LMNTD1: variants seen among roughly 807,000 people sequenced by gnomAD.
LMNTD1 encodes the protein lamin tail domain-containing protein 1.
LMNTD1 carries 35 observed loss-of-function variants against 50.9 expected under a neutral mutation model. That is an observed-to-expected ratio of 0.69 (90% CI 0.53 to 0.91). The LOEUF (loss-of-function observed/expected upper bound fraction) is 0.91, where lower values mean the gene tolerates loss of function less well. Ranked by LOEUF, LMNTD1 falls within the 40% of genes least tolerant of loss-of-function variation. The pLI, the probability that LMNTD1 is intolerant of heterozygous loss-of-function variation, is 0.00. For synonymous variants in LMNTD1, 153 were observed against 161.9 expected, an observed-to-expected ratio of 0.94 and a Z score of 0.42; for missense variants, 470 against 475.5, an observed-to-expected ratio of 0.99 and a Z score of 0.11.
rs1043264442 is a variant in LMNTD1 at position 25,518,965 on chromosome 12, T to G, written c.1019A>C (p.Glu340Ala). Residue 340 changes from glutamate (E) to alanine (A), a missense_variant and splice_region_variant, in exon 8 of 10, where the codon GAG becomes GCG. Transcript: ENST00000458174. ...VEQAQVLLKR[E>A]KEIPPTVFPN... is the part of the protein sequence containing the mutation. Reference sequence around the variant, plus strand: ...GAAAACGGTTGGTGGGATTTCCTTCTCTCTGTAAAAGAAAAAAGCCTAAAT... The same window carrying G: ...GAAAACGGTTGGTGGGATTTCCTTCGCTCTGTAAAAGAAAAAAGCCTAAAT... 1.9e-6 allele frequency: 3 copies of G among 1,613,932 alleles called. No individual in the cohort carries two copies. Among genetic ancestry groups the G allele is most frequent in the African/African-American group, 1.3e-5 (1 of 75,028 alleles).
intron 1 of LMNTD1, among the ~76,000 whole-genome samples, chr12:25,621,680 C>A (rs929385899): frequency 6.6e-6 from 1 of 152,122 alleles, no homozygotes; most frequent in Non-Finnish European, 1.5e-5. Flanking sequence ...GTACCTTAAA[C>A]AAATGTTGAC....
chr12:25,545,578 A>C (rs1943381337), intron 4 of LMNTD1, among the ~76,000 whole-genome samples: 1 of 151,652 alleles, frequency 6.6e-6, no homozygotes, highest in Non-Finnish European at 1.5e-5. Flanking sequence ...ATTGCATTTT[A>C]ACAGAAGCTT....
upstream of LMNTD1, among the ~76,000 whole-genome samples, chr12:25,553,783 T>C (rs1943911194): frequency 6.6e-6 from 1 of 152,202 alleles, no homozygotes; most frequent in African/African-American, 2.4e-5. Flanking sequence ...TTCATGATAA[T>C]GATAGTATGG....
At chr12:25,548,249 A>G (rs1458692627) in intron 3 of LMNTD1, among the ~76,000 whole-genome samples, 2 of 151,882 alleles carry the variant, frequency 1.3e-5, no homozygotes, top group Non-Finnish European at 2.9e-5. Context: ...TTTTTAAAAT[A>G]TCAGAAACAA....
chr12:25,634,011 C>T (rs757641186), intron 1 of LMNTD1, among the ~76,000 whole-genome samples: 17 of 152,198 alleles, frequency 1.1e-4, no homozygotes, highest in Admixed American at 3.3e-4. Flanking sequence ...TTACAACTGA[C>T]GCCACAGAAA....
At chr12:25,548,500 T>G (rs748648763) in intron 3 of LMNTD1, among the ~76,000 whole-genome samples, 1 of 151,958 alleles carries the variant, frequency 6.6e-6, no homozygotes, top group African/African-American at 2.4e-5. Flanking sequence ...TATTGAGTAT[T>G]TATTATGTGC....
chr12:25,634,738 T>C (rs1946790782), intron 1 of LMNTD1, among the ~76,000 whole-genome samples: 2 of 152,028 alleles, frequency 1.3e-5, no homozygotes, highest in African/African-American at 4.8e-5. Context: ...TCCCTCTGAG[T>C]ACTGGCACAA....
chr12:25,574,321 C>T (rs180824683), intron 1 of LMNTD1, among the ~76,000 whole-genome samples: 39 of 152,266 alleles, frequency 2.6e-4, no homozygotes, highest in Admixed American at 6.5e-5. Context: ...CCAAATTAAT[C>T]TGTGTGGTAT....
chr12:25,530,597 G>A (rs1289586350), intron 4 of LMNTD1, among the ~76,000 whole-genome samples: 1 of 152,110 alleles, frequency 6.6e-6, no homozygotes, highest in Non-Finnish European at 1.5e-5. Context: ...TAGCTGTTCC[G>A]TTGATCTAGC....
intron 4 of LMNTD1, among the ~76,000 whole-genome samples, chr12:25,542,505 G>A (rs1345061979): frequency 7.1e-6 from 1 of 140,298 alleles, no homozygotes. Flanking sequence ...CTCACTCATA[G>A]GTGGGAATTG....
intron 9 of LMNTD1, among the ~76,000 whole-genome samples, chr12:25,478,943 C>A (rs1046516038): frequency 4.6e-5 from 7 of 151,808 alleles, no homozygotes. Context: ...CATTTGTAGT[C>A]CTACCTGGAT....
At chr12:25,564,668 T>C (rs7296234) in intron 1 of LMNTD1, among the ~76,000 whole-genome samples, 177 of 152,150 alleles carry the variant, frequency 1.2e-3, no homozygotes, top group African/African-American at 4.1e-3. Context: ...TCCTTGAGAA[T>C]GATCCATGTG....
At chr12:25,477,441 C>T (rs1232903980) in intron 9 of LMNTD1, among the ~76,000 whole-genome samples, 1 of 151,878 alleles carries the variant, frequency 6.6e-6, no homozygotes, top group African/African-American at 2.4e-5. Flanking sequence ...GTGACTCTTT[C>T]CCCTGAGAGA....
At chr12:25,490,809 C>T (rs1938857469) in intron 9 of LMNTD1, among the ~76,000 whole-genome samples, 2 of 152,248 alleles carry the variant, frequency 1.3e-5, no homozygotes, top group South Asian at 4.2e-4. Context: ...GCACACTAAC[C>T]ACCCAGGAAG....
intron 1 of LMNTD1, among the ~76,000 whole-genome samples, chr12:25,596,301 T>C (rs1177023448): frequency 6.6e-6 from 1 of 152,104 alleles, no homozygotes; most frequent in Non-Finnish European, 1.5e-5. Flanking sequence ...ATATCTCTGA[T>C]GAATATAGGT....
chr12:25,559,784 C>G (rs1044733587), intron 1 of LMNTD1, among the ~76,000 whole-genome samples: 7 of 152,196 alleles, frequency 4.6e-5, no homozygotes, highest in Non-Finnish European at 1.0e-4. Flanking sequence ...ATTTGCATTT[C>G]TCTGATGGCC....
At chr12:25,621,880 A>G (rs1005744373) in intron 1 of LMNTD1, among the ~76,000 whole-genome samples, 7 of 152,236 alleles carry the variant, frequency 4.6e-5, no homozygotes, top group Admixed American at 1.3e-4. Context: ...TGGGAAATCA[A>G]CAGAGGGTTC....
intron 1 of LMNTD1, among the ~76,000 whole-genome samples, chr12:25,572,668 T>G (rs1286506162): frequency 6.6e-6 from 1 of 152,004 alleles, no homozygotes; most frequent in Non-Finnish European, 1.5e-5. Context: ...AGTAAGACAA[T>G]GGAAAATTAG....
intron 9 of LMNTD1, among the ~76,000 whole-genome samples, chr12:25,489,551 T>C (rs2340440): frequency 0.92 from 127,858 of 138,268 alleles, 60,122 homozygotes; most frequent in East Asian, 0.99. Flanking sequence ...GAGATGAACC[T>C]GGTACCTCAG....
Sources: gnomAD v4.1 joint callset for allele counts (sites outside exome capture counted in the v4.1 genomes callset) on GRCh38, gnomAD v4.1.1 for gene constraint, MANE v1.5 for transcripts, NCBI Gene and HGNC (gene_info 2026-07-23, HGNC 2026-07-21) for gene names.